ATP8B4: variants seen among roughly 807,000 people sequenced by gnomAD.
ATP8B4 encodes probable phospholipid-transporting ATPase IM.
In ATP8B4, 133 loss-of-function variants were observed where a neutral mutation model predicts 145.6. That is an observed-to-expected ratio of 0.91 (90% confidence interval 0.79 to 1.05). The LOEUF (loss-of-function observed/expected upper bound fraction) is 1.05. Ranked by LOEUF, ATP8B4 falls within the 50% of genes least tolerant of loss-of-function variation. The pLI, the probability that ATP8B4 is intolerant of heterozygous loss-of-function variation, is 0.00. For missense variants in ATP8B4, 1,458 were observed against 1,425.2 expected (o/e 1.02, Z -0.37); for synonymous variants, 507 against 492.9 (o/e 1.03, Z -0.38).
chr15:50,084,026 C>A (rs548436848), intron 2 of ATP8B4, among the ~76,000 whole-genome samples: 2 of 152,132 alleles, frequency 1.3e-5, no homozygotes, highest in African/African-American at 4.8e-5. Flanking sequence ...GACGGGTGGC[C>A]AAAAAGCATC....
At chr15:50,008,028 A>G (rs1379915333) in intron 7 of ATP8B4, among the ~76,000 whole-genome samples, 1 of 152,198 alleles carries the variant, frequency 6.6e-6, no homozygotes, top group African/African-American at 2.4e-5. Flanking sequence ...AGCTGTTATT[A>G]CTGATAAAGA....
At chr15:49,863,933 A>G (rs777604492) in intron 26 of ATP8B4, among the ~76,000 whole-genome samples, 3 of 152,190 alleles carry the variant, frequency 2.0e-5, no homozygotes, top group Non-Finnish European at 4.4e-5. Context: ...TCCCTGCACA[A>G]ATTACTTTCT....
chr15:50,028,822 G>A (rs951444136), intron 6 of ATP8B4, among the ~76,000 whole-genome samples: 2 of 152,032 alleles, frequency 1.3e-5, no homozygotes, highest in African/African-American at 4.8e-5. Context: ...ACAAATGAAC[G>A]AACATAGAAC....
chr15:49,974,727 A>G (rs908772417), intron 12 of ATP8B4, among the ~76,000 whole-genome samples: 1 of 152,068 alleles, frequency 6.6e-6, no homozygotes, highest in East Asian at 1.9e-4. Flanking sequence ...CCCAATTGAA[A>G]TTTTTGATTG....
rs527606040 is a variant in ATP8B4 at position 50,113,241 on chromosome 15, G to T, written c.-43+5882C>A. The T allele has an allele frequency of 2.0e-5, 3 of 152,342 alleles. No individual in the cohort carries two copies. The South Asian group carries it at 6.2e-4, about 32-fold the overall frequency. The allele number at this position is 152,342 out of a possible 1,614,324, so 9.4% of individuals were successfully genotyped here. On this transcript the variant is annotated intron_variant, in intron 1 of 27. Coordinates refer to ENST00000284509, the MANE Select transcript of ATP8B4 (RefSeq NM_024837.4). Reference sequence around the variant, plus strand: ...CCCCCTGAGGAGCAGGTAGGATTGGGGAACTGAAACTCAGCCATGAGACCC... The same window carrying T: ...CCCCCTGAGGAGCAGGTAGGATTGGTGAACTGAAACTCAGCCATGAGACCC...
At chr15:50,159,661 T>G (rs958109393) in intron 1 of ATP8B4, among the ~76,000 whole-genome samples, 1 of 152,244 alleles carries the variant, frequency 6.6e-6, no homozygotes, top group African/African-American at 2.4e-5. Context: ...TGCTGAGGTC[T>G]GTTCCTTCTA....
chr15:49,966,942 G>A (rs937073327), intron 13 of ATP8B4, among the ~76,000 whole-genome samples: 1 of 152,196 alleles, frequency 6.6e-6, no homozygotes, highest in African/African-American at 2.4e-5. Context: ...AATTTTTGCT[G>A]TTCTGCAGCC....
At chr15:50,079,257 T>C (rs1293051092) in intron 2 of ATP8B4, among the ~76,000 whole-genome samples, 1 of 152,078 alleles carries the variant, frequency 6.6e-6, no homozygotes, top group African/African-American at 2.4e-5. Flanking sequence ...AAAAAGAATG[T>C]ACAACAGGAA....
At chr15:49,989,648 T>C (rs909047565) in intron 9 of ATP8B4, among the ~76,000 whole-genome samples, 2 of 151,890 alleles carry the variant, frequency 1.3e-5, no homozygotes, top group Non-Finnish European at 2.9e-5. Flanking sequence ...GCCTGGGTTC[T>C]TGGAGGCTAA....
intron 3 of ATP8B4, among the ~76,000 whole-genome samples, chr15:50,069,768 A>G (rs999627833): frequency 1.3e-5 from 2 of 152,178 alleles, no homozygotes; most frequent in Non-Finnish European, 2.9e-5. Flanking sequence ...GAAAAAAAAT[A>G]TAGGTTTTAG....
At position 50,085,906 on chromosome 15, in the gene ATP8B4, TATATTTATATATG is replaced by T. The variant is rs1567330658; in HGVS notation, c.29-11734_29-11722del. On this transcript the variant is annotated intron_variant, in intron 2 of 27. Coordinates refer to ENST00000284509, the MANE Select transcript of ATP8B4 (RefSeq NM_024837.4). ...ATATTTATATATGATATATATCATA[TATATTTATATATG>T]ATATATATCATATATATTTATATAT... 6.8e-4 allele frequency among the ~76,000 whole-genome samples: 69 copies of T among 100,744 alleles called. 2 individuals are homozygous for T. Among genetic ancestry groups the T allele is most frequent in the African/African-American group, 2.5e-3 (61 of 24,724 alleles). The allele number at this position is 100,744 out of a possible 152,430, so 66.1% of individuals were successfully genotyped here.
At chr15:49,902,450 ACAAAAAGATACATTAACTTCTAGCTC>A (rs1198715503) in intron 20 of ATP8B4, among the ~76,000 whole-genome samples, 1 of 152,234 alleles carries the variant, frequency 6.6e-6, no homozygotes, top group East Asian at 1.9e-4. Flanking sequence ...TAAAAATGAT[ACAAAAAGATACATTAACTTCTAGCTC>A]AATATCTCCT....
At chr15:49,939,841 A>G (rs1208942104) in intron 14 of ATP8B4, among the ~76,000 whole-genome samples, 4 of 152,146 alleles carry the variant, frequency 2.6e-5, no homozygotes, top group Non-Finnish European at 5.9e-5. Flanking sequence ...TCAAATCAAA[A>G]CCACAATGAG....
At chr15:50,040,179 C>T (rs1567244895) in intron 5 of ATP8B4, among the ~76,000 whole-genome samples, 1 of 152,180 alleles carries the variant, frequency 6.6e-6, no homozygotes, top group Non-Finnish European at 1.5e-5. Flanking sequence ...AAGATTTGGC[C>T]AACAGATAGT....
chr15:50,125,932 C>T (rs1400025824), intron 1 of ATP8B4, among the ~76,000 whole-genome samples: 1 of 152,056 alleles, frequency 6.6e-6, no homozygotes, highest in African/African-American at 2.4e-5. Flanking sequence ...CAAGCTTGGC[C>T]CAAATAAACC....
At chr15:50,044,509 A>C (rs2051567090) in intron 5 of ATP8B4, 85 bp downstream of exon 5, 2 of 962,396 alleles carry the variant, frequency 2.1e-6, no homozygotes, top group Non-Finnish European at 3.1e-6. Flanking sequence ...CTTCATTCAA[A>C]ATTTCAAATG....
At chr15:50,072,057 T>G (rs1227439674) in intron 3 of ATP8B4, among the ~76,000 whole-genome samples, 1 of 151,004 alleles carries the variant, frequency 6.6e-6, no homozygotes, top group African/African-American at 2.4e-5. Context: ...AATTAATTAA[T>G]AATTGATTAA....
intron 12 of ATP8B4, among the ~76,000 whole-genome samples, chr15:49,979,133 T>C (rs542910867): frequency 5.3e-5 from 8 of 152,210 alleles, no homozygotes; most frequent in Non-Finnish European, 8.8e-5. Flanking sequence ...GGTAGAACTA[T>C]TATTTTCTTC....
intron 7 of ATP8B4, among the ~76,000 whole-genome samples, chr15:50,009,848 T>C (rs535336092): frequency 3.8e-4 from 58 of 152,256 alleles, no homozygotes; most frequent in South Asian, 8.3e-4. Flanking sequence ...CTCCCAGCTA[T>C]TTTCCAAAGC....
Sources: allele counts gnomAD v4.1 joint callset (sites outside exome capture counted in the v4.1 genomes callset), GRCh38; gene constraint gnomAD v4.1.1; transcripts MANE v1.5; gene names NCBI Gene and HGNC (gene_info 2026-07-23, HGNC 2026-07-21).